ACSL3: variants seen among roughly 807,000 people sequenced by gnomAD.
ACSL3 encodes acyl-CoA synthetase long chain family member 3.
Under a neutral mutation model 84.7 loss-of-function variants are expected in ACSL3, and 34 were observed. The ratio of observed to expected loss-of-function variants is 0.40; its 90% CI spans 0.31 to 0.53. The LOEUF (loss-of-function observed/expected upper bound fraction) is 0.53. ACSL3 is among the 20% of genes least tolerant of loss of function. The pLI is 0.48. For missense variants in ACSL3, 680 were observed against 873.1 expected (o/e 0.78, Z 2.79); for synonymous variants, 315 against 299.4 (o/e 1.05, Z -0.54).
At chr2:222,928,625 AT>A (rs1176532051) in intron 12 of ACSL3, among the ~76,000 whole-genome samples, 1 of 149,916 alleles carries the variant, frequency 6.7e-6, no homozygotes, top group Admixed American at 6.6e-5. Context: ...AAATTTCCTG[AT>A]TTTTTAAGAA....
At chr2:222,903,217 A>C (rs1418444692) in intron 3 of ACSL3, among the ~76,000 whole-genome samples, 1 of 151,914 alleles carries the variant, frequency 6.6e-6, no homozygotes, top group African/African-American at 2.4e-5. Flanking sequence ...AACTTATCGC[A>C]CTTTTCATCT....
At chr2:222,911,542 T>C (rs967305960) in intron 4 of ACSL3, among the ~76,000 whole-genome samples, 8 of 152,250 alleles carry the variant, frequency 5.3e-5, no homozygotes, top group Non-Finnish European at 1.5e-5. Flanking sequence ...TAAGCATATA[T>C]ACAGAAGTCT....
At chr2:222,880,596 A>C (rs543345916) in intron 1 of ACSL3, among the ~76,000 whole-genome samples, 1 of 152,086 alleles carries the variant, frequency 6.6e-6, no homozygotes, top group African/African-American at 2.4e-5. Context: ...TGGGAGGCCA[A>C]GGTGGGCGGA....
At chr2:222,875,312 G>A (rs1370869175) in intron 1 of ACSL3, among the ~76,000 whole-genome samples, 1 of 152,118 alleles carries the variant, frequency 6.6e-6, no homozygotes, top group African/African-American at 2.4e-5. Flanking sequence ...GGGACGGAAG[G>A]AATGGGATTT....
chr2:222,936,896 T>C (rs1697186018), intron 16 of ACSL3, among the ~76,000 whole-genome samples: 1 of 152,010 alleles, frequency 6.6e-6, no homozygotes, highest in Admixed American at 6.6e-5. Flanking sequence ...GAAGAGCCCC[T>C]AAAACCATCA....
chr2:222,934,324 G>A (rs1394516066), intron 15 of ACSL3, among the ~76,000 whole-genome samples: 3 of 152,098 alleles, frequency 2.0e-5, no homozygotes, highest in African/African-American at 7.2e-5. Context: ...AGTTTATTTA[G>A]CAACGAACTC....
At chr2:222,931,065 C>T (rs1324233158) in intron 14 of ACSL3, among the ~76,000 whole-genome samples, 1 of 152,238 alleles carries the variant, frequency 6.6e-6, no homozygotes, top group African/African-American at 2.4e-5. Flanking sequence ...GTCATTGTTT[C>T]CTGCCTGTGT....
chr2:222,908,368 G>C (rs1420027938), intron 3 of ACSL3, among the ~76,000 whole-genome samples: 1 of 152,160 alleles, frequency 6.6e-6, no homozygotes, highest in East Asian at 1.9e-4. Flanking sequence ...TGTTGTATTT[G>C]TAAAGTACTT....
chr2:222,893,940 C>T (rs1250303928), intron 2 of ACSL3, among the ~76,000 whole-genome samples: 2 of 152,146 alleles, frequency 1.3e-5, no homozygotes, highest in Non-Finnish European at 2.9e-5. Context: ...GAGAGATCCT[C>T]CCACCTCAGC....
rs145323795 is a variant in ACSL3, at chr2:222,928,497, G to A, written c.1466-365G>A. 5.1e-3 allele frequency among the ~76,000 whole-genome samples: 783 copies of A among 152,300 alleles called. 9 individuals are homozygous for A. The highest frequency in any genetic ancestry group is 0.018 in the African/African-American group (746 of 41,548). On this transcript the variant is annotated intron_variant, in intron 12 of 16. Coordinates refer to ENST00000357430, the MANE Select transcript of ACSL3 (RefSeq NM_004457.5). ...GGGCCCTAATGTAAGACAATGTGATGGGTAAGGATTGATTCTGAGGGAACA... is the reference window on the plus strand; with the variant it reads ...GGGCCCTAATGTAAGACAATGTGATAGGTAAGGATTGATTCTGAGGGAACA...
chr2:222,913,784 T>C (rs1275290367), intron 4 of ACSL3, among the ~76,000 whole-genome samples: 2 of 152,226 alleles, frequency 1.3e-5, no homozygotes, highest in African/African-American at 2.4e-5. Context: ...CCATTACTTA[T>C]TAGTTACATG....
intron 4 of ACSL3, among the ~76,000 whole-genome samples, chr2:222,912,290 T>G (rs1451326091): frequency 6.6e-6 from 1 of 152,246 alleles, no homozygotes; most frequent in Non-Finnish European, 1.5e-5. Context: ...CTCAGCTGCA[T>G]GTTAAACATG....
At chr2:222,871,165 A>G (rs1171002501) in intron 1 of ACSL3, among the ~76,000 whole-genome samples, 2 of 152,182 alleles carry the variant, frequency 1.3e-5, no homozygotes, top group Non-Finnish European at 2.9e-5. Context: ...GGGCAAGGGA[A>G]GGGAACATTA....
At chr2:222,935,065 T>C (rs1697136887) in intron 16 of ACSL3, among the ~76,000 whole-genome samples, 1 of 152,250 alleles carries the variant, frequency 6.6e-6, no homozygotes. Context: ...GTTGTACTAA[T>C]AGTTTCATAA....
chr2:222,866,744 GCCCCCCCCGCCCCCCCCCCCCCCCC>G (rs546349986), intron 1 of ACSL3, among the ~76,000 whole-genome samples: 418 of 22,738 alleles, frequency 0.018, 27 homozygotes, highest in South Asian at 0.058. Flanking sequence ...AAACTGCCCT[GCCCCCCCCGCCCCCCCCCCCCCCCC>G]CCCCCCCCGC....
At chr2:222,878,330 T>C (rs1559278651) in intron 1 of ACSL3, among the ~76,000 whole-genome samples, 2 of 152,198 alleles carry the variant, frequency 1.3e-5, no homozygotes, top group Non-Finnish European at 2.9e-5. Flanking sequence ...TTGAGTAATA[T>C]ATGCTAATGT....
chr2:222,928,762 C>T (rs1550420), intron 12 of ACSL3, 100 bp from the exon 13 acceptor site: 886,712 of 989,870 alleles, frequency 0.9, 398,051 homozygotes, highest in East Asian at 0.98. Flanking sequence ...GCTGGGGATA[C>T]CTCAGCCTTA....
At chr2:222,913,562 C>G (rs562368441) in intron 4 of ACSL3, among the ~76,000 whole-genome samples, 1 of 152,106 alleles carries the variant, frequency 6.6e-6, no homozygotes, top group African/African-American at 2.4e-5. Flanking sequence ...AGCCTCCCCC[C>G]GCCTTTTTTT....
In ACSL3 at chr2:222,869,643, C is replaced by T. The variant is rs557437094; in HGVS notation, c.-207+8385C>T. On this transcript the variant is annotated intron_variant, in intron 1 of 16. Transcript: ENST00000357430. ...TAAAGGACAGAGAGGTCATGTTTTG[C>T]CACAGTAGCCAGGGAATGGTCAGCT... 2.0e-5 allele frequency among the ~76,000 whole-genome samples: 3 copies of T among 152,140 alleles called. No individual in the cohort carries two copies. In the South Asian group the frequency reaches 6.2e-4, roughly 31 times the overall value.
Sources: allele counts gnomAD v4.1 joint callset (sites outside exome capture counted in the v4.1 genomes callset), GRCh38; gene constraint gnomAD v4.1.1; transcripts MANE v1.5; gene names NCBI Gene and HGNC (gene_info 2026-07-23, HGNC 2026-07-21).